The following BRINP3 variants were observed in gnomAD, a reference collection of about 807,000 sequenced individuals.
BRINP3 encodes BMP/retinoic acid inducible neural specific 3.
BRINP3 carries 19 observed loss-of-function variants against 71.0 expected under a neutral mutation model. The ratio of observed to expected loss-of-function variants is 0.27; its 90% confidence interval spans 0.19 to 0.39. The LOEUF (loss-of-function observed/expected upper bound fraction) is 0.39, where lower values mean the gene tolerates loss of function less well. BRINP3 is among the 10% of genes least tolerant of loss of function. BRINP3 has a pLI of 1.00. For synonymous variants in BRINP3, 380 were observed against 337.7 expected, an observed-to-expected ratio of 1.13 and a Z score of -1.37; for missense variants, 959 against 940.8, an observed-to-expected ratio of 1.02 and a Z score of -0.25.
At chr1:190,433,799 A>G (rs1475144598) in intron 2 of BRINP3, among the ~76,000 whole-genome samples, 2 of 152,188 alleles carry the variant, frequency 1.3e-5, no homozygotes, top group African/African-American at 4.8e-5. Context: ...TATAAAGGCT[A>G]TAAGTTTTGG....
chr1:190,408,980 G>T (rs1227856832), intron 2 of BRINP3, among the ~76,000 whole-genome samples: 1 of 152,166 alleles, frequency 6.6e-6, no homozygotes, highest in East Asian at 1.9e-4. Flanking sequence ...CCTGGAAGTG[G>T]GGGGAGTTGT....
intron 2 of BRINP3, among the ~76,000 whole-genome samples, chr1:190,298,822 T>C (rs1024130892): frequency 6.6e-6 from 1 of 152,166 alleles, no homozygotes; most frequent in Admixed American, 6.5e-5. Flanking sequence ...GACTAGATCA[T>C]GTTTGTTGAC....
At chr1:190,120,874 A>C (rs1653589227) in intron 7 of BRINP3, among the ~76,000 whole-genome samples, 1 of 152,102 alleles carries the variant, frequency 6.6e-6, no homozygotes, top group Non-Finnish European at 1.5e-5. Context: ...GAATCTTTTA[A>C]ACATACGATT....
At chr1:190,335,892 A>T (rs1326594139) in intron 2 of BRINP3, among the ~76,000 whole-genome samples, 5 of 151,920 alleles carry the variant, frequency 3.3e-5, no homozygotes, top group African/African-American at 9.7e-5. Context: ...CTATTATAAA[A>T]CCTTTTCTTC....
At chr1:190,474,375 T>C (rs577481779) in intron 1 of BRINP3, 107 of 152,760 alleles carry the variant, frequency 7.0e-4, no homozygotes, top group Admixed American at 2.5e-3. Flanking sequence ...ACACAAGTTA[T>C]ATGATTGTCA....
intron 4 of BRINP3, among the ~76,000 whole-genome samples, chr1:190,241,895 C>A (rs1659134767): frequency 6.6e-6 from 1 of 151,554 alleles, no homozygotes; most frequent in Admixed American, 6.6e-5. Flanking sequence ...ATTTTCCCTT[C>A]ATTTCTCAAC....
At chr1:190,102,185 C>G (rs929936982) in intron 7 of BRINP3, among the ~76,000 whole-genome samples, 6 of 152,036 alleles carry the variant, frequency 3.9e-5, no homozygotes, top group African/African-American at 1.4e-4. Flanking sequence ...TTCTTTACTC[C>G]TTGTGTAATC....
intron 4 of BRINP3, among the ~76,000 whole-genome samples, chr1:190,245,777 A>G (rs1337083919): frequency 9.5e-6 from 1 of 105,518 alleles, no homozygotes; most frequent in African/African-American, 3.8e-5. Context: ...AACAGGCCCC[A>G]GTGTGTGATG....
intron 2 of BRINP3, among the ~76,000 whole-genome samples, chr1:190,301,181 A>G (rs1473993592): frequency 1.0e-4 from 12 of 117,084 alleles, no homozygotes; most frequent in African/African-American, 1.6e-4. Flanking sequence ...ATATACATAT[A>G]TATATGTATA....
intron 2 of BRINP3, among the ~76,000 whole-genome samples, chr1:190,310,604 C>T (rs1368477449): frequency 2.6e-5 from 4 of 151,640 alleles, no homozygotes; most frequent in Non-Finnish European, 4.4e-5. Context: ...TTATGGCCAA[C>T]TTAATGCATT....
chr1:190,392,252 G>A (rs1038788012), intron 2 of BRINP3, among the ~76,000 whole-genome samples: 10 of 151,584 alleles, frequency 6.6e-5, no homozygotes, highest in Admixed American at 5.9e-4. Flanking sequence ...CTGGACGGTT[G>A]TTGCCTTAAT....
chr1:190,444,392 T>C (rs1675062592), intron 2 of BRINP3, among the ~76,000 whole-genome samples: 1 of 151,878 alleles, frequency 6.6e-6, no homozygotes, highest in African/African-American at 2.4e-5. Context: ...AAAGTCTCTT[T>C]CCTCAAATTT....
intron 2 of BRINP3, among the ~76,000 whole-genome samples, chr1:190,372,711 AATTTC>A (rs1348886748): frequency 1.3e-5 from 2 of 152,206 alleles, no homozygotes; most frequent in Non-Finnish European, 2.9e-5. Flanking sequence ...TTTCTAAGGC[AATTTC>A]AGTTCAGTTC....
chr1:190,394,925 G>A (rs72731134), intron 2 of BRINP3, among the ~76,000 whole-genome samples: 5,291 of 151,642 alleles, frequency 0.035, 141 homozygotes, highest in Middle Eastern at 0.058. Flanking sequence ...GCACCATTTC[G>A]GAGGTATTTT....
intron 4 of BRINP3, among the ~76,000 whole-genome samples, chr1:190,247,958 T>C (rs1454398198): frequency 6.6e-6 from 1 of 151,946 alleles, no homozygotes; most frequent in African/African-American, 2.4e-5. Flanking sequence ...GTTTGAACTT[T>C]GTCATTTGTA....
rs547466771 is a variant in BRINP3, at chr1:190,475,469, C to G, written c.-51+1979G>C. On this transcript the variant is annotated intron_variant, in intron 1 of 7. Coordinates refer to ENST00000367462, the MANE Select transcript of BRINP3 (RefSeq NM_199051.3). ...GCTGCAAATGCCCACACCAAGCACA[C>G]GTTCGCTGCAGGGGCTGAGTGCAGA... Among the ~76,000 whole-genome samples, 112 of 152,260 alleles carry G rather than the reference C, an allele frequency of 7.4e-4. 1 individual carries two copies. The highest frequency in any genetic ancestry group is 2.6e-3 in the African/African-American group (106 of 41,554).
chr1:190,215,109 A>T (rs1047737112), intron 6 of BRINP3, among the ~76,000 whole-genome samples: 3 of 145,122 alleles, frequency 2.1e-5, no homozygotes, highest in Non-Finnish European at 4.6e-5. Flanking sequence ...AAAAAAAAAA[A>T]GAAATGAAAT....
chr1:190,348,678 C>T (rs764545313), intron 2 of BRINP3, among the ~76,000 whole-genome samples: 1 of 152,138 alleles, frequency 6.6e-6, no homozygotes, highest in Non-Finnish European at 1.5e-5. Context: ...AAAGAGTCTA[C>T]TATTTTGACT....
At chr1:190,385,858 T>A (rs1670856888) in intron 2 of BRINP3, among the ~76,000 whole-genome samples, 1 of 148,066 alleles carries the variant, frequency 6.8e-6, no homozygotes, top group African/African-American at 2.5e-5. Flanking sequence ...TAGACTGGAT[T>A]AAGAAAATGT....
Sources: allele counts gnomAD v4.1 joint callset (sites outside exome capture counted in the v4.1 genomes callset), GRCh38; gene constraint gnomAD v4.1.1; transcripts MANE v1.5; gene names NCBI Gene and HGNC (gene_info 2026-07-23, HGNC 2026-07-21).